The following STARD10 variants were observed in gnomAD, a reference collection of about 807,000 sequenced individuals.
The protein encoded by STARD10 is START domain-containing protein 10.
A neutral mutation model predicts 36.0 loss-of-function variants in STARD10; 24 were observed. That is an observed-to-expected ratio of 0.67 (90% CI 0.48 to 0.94). The LOEUF is 0.94. Among genes scored for constraint, STARD10 ranks in the 40% least tolerant of loss-of-function variants. The pLI is 0.00. For missense variants in STARD10, 335 were observed against 396.6 expected, an observed-to-expected ratio of 0.84 and a Z score of 1.32; for synonymous variants, 156 against 161.9, an observed-to-expected ratio of 0.96 and a Z score of 0.28.
rs763378998 is a variant in STARD10 at position 72,781,202 on chromosome 11, G to A, written c.-21C>T. 1.9e-6 allele frequency: 3 copies of A among 1,601,696 alleles called. No homozygotes were observed. The highest frequency in any genetic ancestry group is 2.2e-5 in the East Asian group (1 of 44,814). ...TCCATGGGGAGTGTGGGGAGGCCCA[G>A]GGCCCTGGTCCTAGTCCGGCTCTCC... is the stretch of plus-strand genomic sequence containing the variant. On this transcript the variant is annotated 5_prime_UTR_variant, in exon 2 of 7. Transcript: ENST00000334805. The surrounding 1 kb of genome is among the most constrained non-coding windows in gnomAD (Gnocchi z 4.7).
At position 72,761,039 on chromosome 11, in the gene STARD10, G is replaced by A. The variant is rs368604936; in HGVS notation, c.208-1658C>T. Among the ~76,000 whole-genome samples the A allele has an allele frequency of 9.2e-5, 14 of 152,256 alleles. No homozygotes were observed. The East Asian group carries it at 1.2e-3, about 13-fold the overall frequency. On this transcript the variant is annotated intron_variant, in intron 2 of 6. Coordinates refer to ENST00000334805, the MANE Select transcript of STARD10 (RefSeq NM_006645.3). The stretch of plus-strand genomic sequence containing the variant: ...CCCCCTCATCCCAGAATAGGCCTTG[G>A]CCCCACTAATGGTGGTGGGATGCCG...
At chr11:72,758,743 A>G in intron 3 of STARD10, 110 bp from the exon 4 acceptor site, 1 of 731,980 alleles carries the variant, frequency 1.4e-6, no homozygotes, top group Admixed American at 2.5e-5. Flanking sequence ...CCAGCTCTCC[A>G]GTGCAAAGAT....
At chr11:72,758,085 C>T in intron 4 of STARD10, 1 of 596,138 alleles carries the variant, frequency 1.7e-6, no homozygotes, top group Non-Finnish European at 3.0e-6. Flanking sequence ...TGAAGCTTTT[C>T]CTGTTCCCCT....
intron 2 of STARD10, among the ~76,000 whole-genome samples, chr11:72,769,883 C>G (rs1220649295): frequency 6.6e-6 from 1 of 152,194 alleles, no homozygotes; most frequent in Non-Finnish European, 1.5e-5. Flanking sequence ...TTCCCCCGAG[C>G]AGGGGTGGCC....
At chr11:72,791,482 A>G (rs1227959972) in intron 1 of STARD10, among the ~76,000 whole-genome samples, 1 of 152,070 alleles carries the variant, frequency 6.6e-6, no homozygotes, top group Admixed American at 6.6e-5. Context: ...CGAATGGATC[A>G]CCTGAGGTCA....
intron 2 of STARD10, among the ~76,000 whole-genome samples, chr11:72,760,989 T>TA (rs1392529060): frequency 6.6e-6 from 1 of 152,170 alleles, no homozygotes; most frequent in East Asian, 1.9e-4. Flanking sequence ...TAAGCAACCA[T>TA]ATGAGGGAGA....
chr11:72,787,587 C>T (rs997071569), intron 1 of STARD10, among the ~76,000 whole-genome samples: 1 of 152,246 alleles, frequency 6.6e-6, no homozygotes, highest in East Asian at 1.9e-4. Context: ...CTCCCGCTGT[C>T]GATGTCTATT....
intron 2 of STARD10, among the ~76,000 whole-genome samples, chr11:72,773,371 G>A (rs546073638): frequency 6.6e-6 from 1 of 152,336 alleles, no homozygotes; most frequent in Admixed American, 6.5e-5. Context: ...AGGACAGGGG[G>A]CTTCAGAAGG....
intron 2 of STARD10, among the ~76,000 whole-genome samples, chr11:72,770,168 C>T (rs1858838145): frequency 2.0e-5 from 3 of 152,182 alleles, no homozygotes; most frequent in Non-Finnish European, 4.4e-5. Context: ...TTTGGATTCT[C>T]ATTACTGGTG....
chr11:72,769,116 C>T lies in STARD10; in HGVS notation c.208-9735G>A, dbSNP rs147473976. Among the ~76,000 whole-genome samples, 42 of 152,190 alleles carry T rather than the reference C, an allele frequency of 2.8e-4. 1 individual carries two copies. The highest frequency in any genetic ancestry group is 7.2e-4 in the African/African-American group (30 of 41,514). ...AGGGCTGGGGGGTGGAGGCATGAGGCGTCAGAAATACCAAGAGACAGGTTC... is the reference window on the plus strand; with the variant it reads ...AGGGCTGGGGGGTGGAGGCATGAGGTGTCAGAAATACCAAGAGACAGGTTC... On this transcript the variant is annotated intron_variant, in intron 2 of 6. Transcript: ENST00000334805.
chr11:72,778,089 TC>T (rs1858949033), intron 2 of STARD10, among the ~76,000 whole-genome samples: 1 of 152,204 alleles, frequency 6.6e-6, no homozygotes, highest in Non-Finnish European at 1.5e-5. Context: ...GCCTCGGCTT[TC>T]TCATCCATCA....
Position 72,767,343 on chromosome 11 carries a change from C to A in STARD10, c.208-7962G>T, listed in dbSNP as rs148833671. Among the ~76,000 whole-genome samples, 14 of 152,318 alleles carry A rather than the reference C, an allele frequency of 9.2e-5. No homozygotes were observed. The East Asian group carries it at 2.3e-3, about 25-fold the overall frequency. ...GCTGTCAAGGGCACAGAGCTGCATC[C>A]TTTGCAGATATTGCCTCTGACCCTT... is the stretch of plus-strand genomic sequence containing the variant. On this transcript the variant is annotated intron_variant, in intron 2 of 6. Transcript: ENST00000334805.
chr11:72,766,914 C>T (rs1858800590), intron 2 of STARD10, among the ~76,000 whole-genome samples: 1 of 152,190 alleles, frequency 6.6e-6, no homozygotes. Context: ...ATATGTGGGG[C>T]ACACAGATTA....
intron 2 of STARD10, among the ~76,000 whole-genome samples, chr11:72,761,850 C>G (rs1858719955): frequency 6.7e-6 from 1 of 150,140 alleles, no homozygotes; most frequent in East Asian, 1.9e-4. Flanking sequence ...CAGTGGAGAT[C>G]TCTAAATGAT....
chr11:72,764,247 T>A (rs1455181868), intron 2 of STARD10, among the ~76,000 whole-genome samples: 1 of 152,182 alleles, frequency 6.6e-6, no homozygotes, highest in Admixed American at 6.5e-5. Context: ...AAGGGGCCCA[T>A]GCTGCCCCAT....
chr11:72,779,173 T>A (rs1858960831), intron 2 of STARD10, among the ~76,000 whole-genome samples: 1 of 152,150 alleles, frequency 6.6e-6, no homozygotes, highest in Non-Finnish European at 1.5e-5. Context: ...AAACTACACT[T>A]CTCCCCCAGT....
chr11:72,755,377 A>G, intron 6 of STARD10: 4 of 562,858 alleles, frequency 7.1e-6, no homozygotes, highest in Non-Finnish European at 1.2e-5. Flanking sequence ...GTGGCATGAT[A>G]TCGGCTCACT....
intron 2 of STARD10, among the ~76,000 whole-genome samples, chr11:72,767,746 G>C (rs1399714826): frequency 2.0e-5 from 3 of 152,212 alleles, no homozygotes; most frequent in Non-Finnish European, 4.4e-5. Context: ...CAGCAGTGCT[G>C]GTCCATCTGT....
At position 72,781,310 on chromosome 11, in the gene STARD10, G is replaced by T. The variant is rs1191344639; in HGVS notation, c.-113-16C>A. 1.3e-6 allele frequency: 1 copy of T among 776,518 alleles called. No homozygotes were observed. Among genetic ancestry groups the T allele is most frequent in the East Asian group, 2.7e-5 (1 of 37,278 alleles). 48.1% of individuals were successfully genotyped at this position (776,518 alleles called of 1,614,324 possible). On this transcript the variant is annotated splice_polypyrimidine_tract_variant and intron_variant, in intron 1 of 6. Transcript: ENST00000334805. The surrounding 1 kb of genome is among the most constrained non-coding windows in gnomAD (Gnocchi z 4.7). ...TTCCTGGGACCTGCAAGACCGGTTT[G>T]GGGACGGGAATCAGTGCGCTGGGGG...
Sources: gnomAD v4.1 joint callset for allele counts (sites outside exome capture counted in the v4.1 genomes callset) on GRCh38, gnomAD v4.1.1 for gene constraint, Gnocchi (gnomAD v3.1) non-coding constraint, MANE v1.5 for transcripts, NCBI Gene and HGNC (gene_info 2026-07-23, HGNC 2026-07-21) for gene names.